Variants in JPH3 observed in about 807,000 individuals in gnomAD.
The protein encoded by JPH3 is junctophilin-3.
A neutral mutation model predicts 59.6 loss-of-function variants in JPH3; 11 were observed. The ratio of observed to expected loss-of-function variants is 0.18; its 90% CI spans 0.12 to 0.31. The LOEUF is 0.31. Among genes scored for constraint, JPH3 ranks in the 10% least tolerant of loss-of-function variants. The pLI, the probability that JPH3 is intolerant of heterozygous loss-of-function variation, is 1.00. For missense variants in JPH3, 1,202 were observed against 1,105.7 expected (o/e 1.09, Z -1.24); for synonymous variants, 673 against 483.6 (o/e 1.39, Z -5.14).
At chr16:87,603,701 G>A (rs2030359577) in intron 1 of JPH3, among the ~76,000 whole-genome samples, 173 bp downstream of exon 1, 1 of 152,230 alleles carries the variant, frequency 6.6e-6, no homozygotes, top group African/African-American at 2.4e-5. Context: ...AGGTTGCCCC[G>A]CTGCCTGGTG....
At position 87,658,856 on chromosome 16, in the gene JPH3, G is replaced by T. The variant is rs2032599907; in HGVS notation, c.1160+13821G>T. ...TGAGGCAGGGGTGGGTGGCCCCCCA[G>T]CCCCTATTTCCTCCTCTCCAAACCC... On this transcript the variant is annotated intron_variant, in intron 2 of 4. Coordinates refer to ENST00000284262, the MANE Select transcript of JPH3 (RefSeq NM_020655.4). 3.3e-5 allele frequency among the ~76,000 whole-genome samples: 5 copies of T among 152,232 alleles called. 1 individual carries two copies. In the South Asian group the frequency reaches 1.0e-3, roughly 31 times the overall value.
intron 1 of JPH3, among the ~76,000 whole-genome samples, chr16:87,631,985 C>CT (rs1227316572): frequency 1.3e-5 from 2 of 152,180 alleles, no homozygotes; most frequent in African/African-American, 4.8e-5. Context: ...GATTCCCCCT[C>CT]TTTTTTCCCA....
chr16:87,613,095 CTT>C (rs1190988631), intron 1 of JPH3, among the ~76,000 whole-genome samples: 40,838 of 128,424 alleles, frequency 0.32, 5,391 homozygotes, highest in Non-Finnish European at 0.35. Context: ...CTTTCTTTCT[CTT>C]TTTTTTTTTT....
chr16:87,684,546 A>C, intron 3 of JPH3: 1 of 423,606 alleles, frequency 2.4e-6, no homozygotes, highest in Non-Finnish European at 4.3e-6. Flanking sequence ...CTGACGGTGA[A>C]TTCCCACCTG....
At chr16:87,649,737 C>T (rs1484069052) in intron 2 of JPH3, among the ~76,000 whole-genome samples, 1 of 152,116 alleles carries the variant, frequency 6.6e-6, no homozygotes, top group Non-Finnish European at 1.5e-5. Context: ...CCTTCCCGTC[C>T]CCCTCCCCAC....
chr16:87,652,162 A>T (rs2032344004), intron 2 of JPH3, among the ~76,000 whole-genome samples: 1 of 151,982 alleles, frequency 6.6e-6, no homozygotes, highest in African/African-American at 2.4e-5. Context: ...TTTTTAGTAG[A>T]GATGGGGTTT....
At chr16:87,692,769 T>C (rs2033632541) in intron 4 of JPH3, among the ~76,000 whole-genome samples, 1 of 152,116 alleles carries the variant, frequency 6.6e-6, no homozygotes, top group Admixed American at 6.5e-5. Flanking sequence ...GATGGTGGGG[T>C]CCAGGGTTGG....
intron 2 of JPH3, 34 bp from the exon 3 acceptor site, chr16:87,684,108 T>A: frequency 1.3e-6 from 2 of 1,548,892 alleles, no homozygotes; most frequent in African/African-American, 1.4e-5. Context: ...CTGTGCCCCC[T>A]GCCCCCCCTC....
chr16:87,698,037 C>T lies in JPH3; in HGVS notation c.*1377C>T, dbSNP rs1016565299. On this transcript the variant is annotated 3_prime_UTR_variant, in exon 5 of 5. Coordinates refer to ENST00000284262, the MANE Select transcript of JPH3 (RefSeq NM_020655.4). ...AGCCCGTCTTATGGACTCTGCCTTG[C>T]TTTGCTTATGTTTAGCTGTTTCTCT... 1.3e-5 allele frequency: 2 copies of T among 152,640 alleles called. No individual in the cohort carries two copies. The highest frequency in any genetic ancestry group is 6.5e-5 in the Admixed American group (1 of 15,280). 9.5% of individuals were successfully genotyped at this position (152,640 alleles called of 1,614,324 possible).
intron 2 of JPH3, among the ~76,000 whole-genome samples, chr16:87,674,675 G>A (rs2033101354): frequency 1.3e-5 from 2 of 152,250 alleles, no homozygotes; most frequent in South Asian, 4.1e-4. Context: ...GACACATGTG[G>A]AAGGGTTTGA....
chr16:87,684,666 C>G (rs1367516867), intron 3 of JPH3, among the ~76,000 whole-genome samples: 3 of 152,230 alleles, frequency 2.0e-5, no homozygotes, highest in Admixed American at 2.0e-4. Flanking sequence ...CTGGGTGTGT[C>G]TGCGGTCCTG....
intron 2 of JPH3, among the ~76,000 whole-genome samples, chr16:87,648,493 C>T (rs936592348): frequency 1.3e-5 from 2 of 152,256 alleles, no homozygotes; most frequent in South Asian, 2.1e-4. Flanking sequence ...CTTGTCAGGC[C>T]GCGTGAAGTG....
At chr16:87,616,943 G>C (rs543196740) in intron 1 of JPH3, among the ~76,000 whole-genome samples, 368 of 152,330 alleles carry the variant, frequency 2.4e-3, no homozygotes, top group Admixed American at 7.2e-3. Context: ...GTTCGTTCCA[G>C]GCTGGGCTCC....
intron 1 of JPH3, among the ~76,000 whole-genome samples, chr16:87,633,971 T>G (rs1385400533): frequency 6.6e-6 from 1 of 152,170 alleles, no homozygotes; most frequent in Non-Finnish European, 1.5e-5. Flanking sequence ...ATATGAAGAT[T>G]AGCTGTGAAA....
rs1196730784 is a variant in JPH3, at chr16:87,652,451, A to G, written c.1160+7416A>G. Among the ~76,000 whole-genome samples, 5 of 152,276 alleles carry G rather than the reference A, an allele frequency of 3.3e-5. No individual in the cohort carries two copies. In the East Asian group the frequency reaches 7.7e-4, roughly 23 times the overall value. On this transcript the variant is annotated intron_variant, in intron 2 of 4. Transcript: ENST00000284262. ...GCTATAGCACGCTTAATAGACTACA[A>G]TATAGTAGAAACATAACTTTTTTCT... is the stretch of plus-strand genomic sequence containing the variant.
chr16:87,678,353 A>G lies in JPH3; in HGVS notation c.1161-5789A>G, dbSNP rs1013196485. On this transcript the variant is annotated intron_variant, in intron 2 of 4. Transcript: ENST00000284262. ...GAGGGTTTTGAGACCAGCCTGGCCA[A>G]CATGACAAAACCCTGTCTCTACTAA... Among the ~76,000 whole-genome samples the G allele has an allele frequency of 2.0e-5, 3 of 152,310 alleles. No homozygotes were observed. The South Asian group carries it at 6.2e-4, about 32-fold the overall frequency.
intron 2 of JPH3, among the ~76,000 whole-genome samples, chr16:87,646,941 C>T (rs1484545572): frequency 6.6e-6 from 1 of 152,142 alleles, no homozygotes; most frequent in Non-Finnish European, 1.5e-5. Context: ...TTCCCCTAGA[C>T]ATTAAGAGAA....
chr16:87,695,792 G>C (rs150002244), intron 4 of JPH3: 2 of 456,012 alleles, frequency 4.4e-6, no homozygotes, highest in Non-Finnish European at 8.8e-6. Context: ...GCAGAAGGGC[G>C]CCCCCGGAAA....
intron 1 of JPH3, among the ~76,000 whole-genome samples, chr16:87,637,250 A>G (rs1351652673): frequency 2.6e-5 from 4 of 152,202 alleles, no homozygotes; most frequent in Non-Finnish European, 5.9e-5. Flanking sequence ...GCACTAGCAC[A>G]TTCACGGGGT....
Sources: allele counts gnomAD v4.1 joint callset (sites outside exome capture counted in the v4.1 genomes callset), GRCh38; gene constraint gnomAD v4.1.1; transcripts MANE v1.5; gene names NCBI Gene and HGNC (gene_info 2026-07-23, HGNC 2026-07-21).